Variants in LAMA2 observed in about 807,000 individuals in gnomAD.
LAMA2 encodes laminin subunit alpha-2.
LAMA2 carries 269 observed loss-of-function variants against 364.8 expected under a neutral mutation model. The ratio of observed to expected loss-of-function variants is 0.74; its 90% CI spans 0.67 to 0.82. The LOEUF is 0.82. LAMA2 is among the 40% of genes least tolerant of loss of function. The pLI is 0.00. For synonymous variants in LAMA2, 1,379 were observed against 1,370.6 expected, an observed-to-expected ratio of 1.01 and a Z score of -0.14; for missense variants, 3,807 against 3,873.2, an observed-to-expected ratio of 0.98 and a Z score of 0.45.
intron 32 of LAMA2, among the ~76,000 whole-genome samples, chr6:129,363,173 A>G (rs1410199354): frequency 6.6e-6 from 1 of 152,112 alleles, no homozygotes; most frequent in African/African-American, 2.4e-5. Context: ...ATGTGGTGGC[A>G]TGTGCCTGTA....
chr6:129,138,784 AT>A (rs1777949544), intron 4 of LAMA2, among the ~76,000 whole-genome samples: 1 of 152,126 alleles, frequency 6.6e-6, no homozygotes, highest in African/African-American at 2.4e-5. Flanking sequence ...AAAGATGATA[AT>A]ACACTTAGTA....
chr6:129,304,425 G>C lies in LAMA2; in HGVS notation c.3174+3553G>C, dbSNP rs541828974. On this transcript the variant is annotated intron_variant, in intron 22 of 64. Coordinates refer to ENST00000421865, the MANE Select transcript of LAMA2 (RefSeq NM_000426.4). ...ACTACAGGTGCCCGCCACTACGCCC[G>C]GCTAATTTTTTGTATTTTTAGTAGA... Among the ~76,000 whole-genome samples the C allele has an allele frequency of 2.9e-3, 447 of 152,068 alleles. 2 individuals carry two copies. The highest frequency in any genetic ancestry group is 0.01 in the African/African-American group (434 of 41,512).
intron 10 of LAMA2, among the ~76,000 whole-genome samples, chr6:129,183,359 CTTTTAT>C (rs1404233689): frequency 6.6e-6 from 1 of 151,856 alleles, no homozygotes; most frequent in Non-Finnish European, 1.5e-5. Flanking sequence ...GGAACATGTG[CTTTTAT>C]TTTTATCAAA....
At chr6:129,099,999 G>A (rs958595031) in intron 4 of LAMA2, among the ~76,000 whole-genome samples, 9 of 152,174 alleles carry the variant, frequency 5.9e-5, no homozygotes, top group Admixed American at 2.6e-4. Context: ...CCTAGATTCA[G>A]TTTACATAAG....
chr6:129,153,028 G>A (rs1394305499), intron 7 of LAMA2, among the ~76,000 whole-genome samples: 2 of 152,036 alleles, frequency 1.3e-5, no homozygotes, highest in African/African-American at 4.8e-5. Context: ...GTACTCCTAA[G>A]AAACTCAACA....
intron 58 of LAMA2, among the ~76,000 whole-genome samples, chr6:129,497,373 G>A (rs572400412): frequency 2.6e-5 from 4 of 152,158 alleles, no homozygotes; most frequent in South Asian, 2.1e-4. Context: ...GAGTAGCTGG[G>A]ACTGCAGGTG....
At chr6:129,386,879 AT>A (rs1218056513) in intron 35 of LAMA2, among the ~76,000 whole-genome samples, 1 of 151,952 alleles carries the variant, frequency 6.6e-6, no homozygotes, top group East Asian at 1.9e-4. Context: ...GGGAGCTTGT[AT>A]TTTTTTTACA....
At chr6:129,202,233 G>A (rs1249301248) in intron 12 of LAMA2, among the ~76,000 whole-genome samples, 2 of 151,008 alleles carry the variant, frequency 1.3e-5, no homozygotes, top group South Asian at 2.1e-4. Flanking sequence ...AACACAACAG[G>A]TGCAGAGGAA....
chr6:129,198,097 A>G (rs562524620), intron 12 of LAMA2, among the ~76,000 whole-genome samples: 5 of 152,202 alleles, frequency 3.3e-5, no homozygotes, highest in African/African-American at 7.2e-5. Flanking sequence ...AGTAATTTCA[A>G]TGTGAGTTGG....
At chr6:129,279,829 A>C (rs993683183) in intron 17 of LAMA2, among the ~76,000 whole-genome samples, 1 of 152,188 alleles carries the variant, frequency 6.6e-6, no homozygotes, top group Non-Finnish European at 1.5e-5. Flanking sequence ...AAGTCAGTTA[A>C]TAACATGTCA....
intron 53 of LAMA2, among the ~76,000 whole-genome samples, 173 bp downstream of exon 53, chr6:129,475,574 C>T (rs770232522): frequency 1.3e-5 from 2 of 151,388 alleles, no homozygotes; most frequent in Non-Finnish European, 2.9e-5. Context: ...CCTTGCTGGC[C>T]GACATTCTGC....
chr6:129,175,650 A>G (rs192232173), intron 9 of LAMA2, among the ~76,000 whole-genome samples: 15 of 152,288 alleles, frequency 9.8e-5, no homozygotes, highest in Non-Finnish European at 1.8e-4. Flanking sequence ...ATGAGAACAC[A>G]TGAACACAGA....
intron 37 of LAMA2, among the ~76,000 whole-genome samples, chr6:129,397,093 A>C (rs1213787870): frequency 6.6e-6 from 1 of 152,110 alleles, no homozygotes; most frequent in Non-Finnish European, 1.5e-5. Flanking sequence ...CACCAAAAAA[A>C]AAGAAAGAAA....
At position 129,132,235 on chromosome 6, in the gene LAMA2, C is replaced by T. The variant is rs183715951; in HGVS notation, c.640-11666C>T. On this transcript the variant is annotated intron_variant, in intron 4 of 64. Coordinates refer to ENST00000421865, the MANE Select transcript of LAMA2 (RefSeq NM_000426.4). ...AGGCTGGAGTGCAGTGGCACAATCT[C>T]GGCTCACTGCAAGCTCCACCTCCCG... 1.9e-3 allele frequency among the ~76,000 whole-genome samples: 281 copies of T among 150,490 alleles called. 1 individual carries two copies. The highest frequency in any genetic ancestry group is 6.7e-3 in the African/African-American group (271 of 40,706).
intron 1 of LAMA2, among the ~76,000 whole-genome samples, chr6:128,988,366 A>T (rs1386613670): frequency 3.3e-5 from 5 of 152,218 alleles, no homozygotes; most frequent in East Asian, 3.8e-4. Flanking sequence ...GGACTAAAAA[A>T]AAAATTTGAT....
intron 3 of LAMA2, among the ~76,000 whole-genome samples, chr6:129,063,843 C>A (rs1789101782): frequency 6.6e-6 from 1 of 152,094 alleles, no homozygotes; most frequent in African/African-American, 2.4e-5. Flanking sequence ...TATTTCTATG[C>A]AAATATTACT....
intron 1 of LAMA2, among the ~76,000 whole-genome samples, chr6:128,984,200 T>G (rs914015314): frequency 2.0e-5 from 3 of 152,160 alleles, no homozygotes; most frequent in African/African-American, 7.2e-5. Flanking sequence ...CCACCACATC[T>G]TTTTGTGTTA....
At chr6:129,089,881 G>T (rs2114856674) in intron 3 of LAMA2, among the ~76,000 whole-genome samples, 2 of 152,232 alleles carry the variant, frequency 1.3e-5, no homozygotes, top group East Asian at 3.9e-4. Context: ...AAAATTGTGA[G>T]ACCTTATGGG....
intron 40 of LAMA2, 41 bp downstream of exon 40, chr6:129,404,000 C>G (rs1167212187): frequency 1.3e-5 from 21 of 1,609,766 alleles, no homozygotes; most frequent in Non-Finnish European, 1.8e-5. Context: ...TGGAAGTCAA[C>G]CTTTTTGAAT....
Sources: gnomAD v4.1 joint callset for allele counts (sites outside exome capture counted in the v4.1 genomes callset) on GRCh38, gnomAD v4.1.1 for gene constraint, MANE v1.5 for transcripts, NCBI Gene and HGNC (gene_info 2026-07-23, HGNC 2026-07-21) for gene names.